The following VRK2 variants were observed in gnomAD, a reference collection of about 807,000 sequenced individuals.
VRK2 encodes the protein serine/threonine-protein kinase VRK2.
Under a neutral mutation model 57.6 loss-of-function variants are expected in VRK2, and 60 were observed. The observed-to-expected ratio is 1.04, with a 90% CI of 0.85 to 1.29. The LOEUF (loss-of-function observed/expected upper bound fraction) is 1.29, where lower values mean the gene tolerates loss of function less well. Ranked by LOEUF, VRK2 falls within the 50% of genes most tolerant of loss-of-function variation. The pLI, the probability that VRK2 is intolerant of heterozygous loss-of-function variation, is 0.00. For synonymous variants in VRK2, 231 were observed against 199.2 expected (o/e 1.16, Z -1.35); for missense variants, 705 against 588.1 (o/e 1.20, Z -2.06).
chr2:58,093,565 T>C (rs991835340), intron 7 of VRK2, among the ~76,000 whole-genome samples: 1 of 152,300 alleles, frequency 6.6e-6, no homozygotes, highest in South Asian at 2.1e-4. Context: ...TGGATATTAG[T>C]CCTTTGTCAG....
At chr2:58,066,268 C>T (rs1029095089) in intron 2 of VRK2, among the ~76,000 whole-genome samples, 1 of 152,096 alleles carries the variant, frequency 6.6e-6, no homozygotes, top group East Asian at 1.9e-4. Context: ...TCAAGTTAAG[C>T]ATACTGAGTT....
intron 12 of VRK2, among the ~76,000 whole-genome samples, chr2:58,152,898 T>C (rs1683271546): frequency 6.6e-6 from 1 of 151,956 alleles, no homozygotes; most frequent in South Asian, 2.1e-4. Flanking sequence ...ATTCATATAC[T>C]ACCATAAAAT....
chr2:57,980,236 T>C (rs779435610), intron 1 of VRK2, among the ~76,000 whole-genome samples: 6 of 152,156 alleles, frequency 3.9e-5, no homozygotes, highest in Non-Finnish European at 7.4e-5. Context: ...ATATTTATCT[T>C]TGTTTTCATG....
intron 2 of VRK2, among the ~76,000 whole-genome samples, chr2:58,074,449 A>T (rs116365712): frequency 6.6e-6 from 1 of 151,922 alleles, no homozygotes; most frequent in Non-Finnish European, 1.5e-5. Context: ...TGGAGTATCA[A>T]TTCTTCTTTA....
At chr2:58,149,093 A>G (rs1304018467) in intron 12 of VRK2, among the ~76,000 whole-genome samples, 1 of 151,754 alleles carries the variant, frequency 6.6e-6, no homozygotes, top group Non-Finnish European at 1.5e-5. Flanking sequence ...GAGAACTGGC[A>G]TCCCAACAAT....
At chr2:58,009,292 A>C (rs1007846192) in intron 1 of VRK2, among the ~76,000 whole-genome samples, 1 of 151,988 alleles carries the variant, frequency 6.6e-6, no homozygotes, top group Non-Finnish European at 1.5e-5. Context: ...AGGTATATAC[A>C]TACATTGCTA....
intron 1 of VRK2, among the ~76,000 whole-genome samples, chr2:57,996,498 T>A (rs1032400978): frequency 6.6e-5 from 10 of 152,206 alleles, no homozygotes; most frequent in African/African-American, 2.4e-4. Context: ...ACTATAGGTA[T>A]TGGTCATATC....
At chr2:58,017,140 G>GT (rs1673609787) in intron 1 of VRK2, among the ~76,000 whole-genome samples, 1 of 152,124 alleles carries the variant, frequency 6.6e-6, no homozygotes, top group African/African-American at 2.4e-5. Flanking sequence ...CTCCACTTTG[G>GT]TAAGAGGTGT....
intron 1 of VRK2, among the ~76,000 whole-genome samples, chr2:57,985,869 G>GA (rs1221874643): frequency 1.3e-5 from 2 of 151,868 alleles, no homozygotes; most frequent in African/African-American, 2.4e-5. Flanking sequence ...AAGTCAATAT[G>GA]AAAAAAACCG....
chr2:57,945,665 T>C (rs1671240861), intron 1 of VRK2, among the ~76,000 whole-genome samples: 1 of 152,224 alleles, frequency 6.6e-6, no homozygotes, highest in Non-Finnish European at 1.5e-5. Flanking sequence ...CATTTCTACC[T>C]ATACTTCATT....
chr2:58,047,082 C>G, intron 1 of VRK2: 8 of 674,090 alleles, frequency 1.2e-5, no homozygotes, highest in Non-Finnish European at 1.5e-5. Context: ...AAGGCGTCCC[C>G]TTCTACTCAC....
rs187601996 is a variant in VRK2, at chr2:57,979,021, T to C, written c.-438-46644T>C. Reference sequence around the variant, plus strand: ...TTTTTCTTTTCATAGCTGCATAGTTTTCCATGTGGTATATGTACCATGTTT... The same window carrying C: ...TTTTTCTTTTCATAGCTGCATAGTTCTCCATGTGGTATATGTACCATGTTT... On this transcript the variant is annotated intron_variant, in intron 1 of 15. Transcript: ENST00000417641. Among the ~76,000 whole-genome samples the C allele has an allele frequency of 2.4e-4, 36 of 151,376 alleles. 2 individuals carry two copies. The highest frequency in any genetic ancestry group is 8.9e-4 in the African/African-American group (36 of 40,662).
At chr2:58,063,604 T>C (rs2103917649) in intron 2 of VRK2, among the ~76,000 whole-genome samples, 1 of 152,214 alleles carries the variant, frequency 6.6e-6, no homozygotes, top group Middle Eastern at 3.4e-3. Flanking sequence ...TTGTTGACAA[T>C]GCACTTTAGT....
chr2:58,103,241 A>G (rs1359099673), intron 7 of VRK2, among the ~76,000 whole-genome samples: 2 of 151,454 alleles, frequency 1.3e-5, no homozygotes, highest in South Asian at 4.1e-4. Flanking sequence ...GAGCAGGACT[A>G]AGTGAAATTG....
chr2:58,084,750 A>G (rs1193494589), intron 3 of VRK2, 131 bp from the exon 4 acceptor site: 15 of 550,244 alleles, frequency 2.7e-5, no homozygotes, highest in Non-Finnish European at 4.0e-5. Context: ...TCTGGTGCCT[A>G]TGTTTTATAA....
At chr2:58,147,627 A>G (rs901546876) in intron 12 of VRK2, among the ~76,000 whole-genome samples, 1 of 151,786 alleles carries the variant, frequency 6.6e-6, no homozygotes, top group African/African-American at 2.4e-5. Flanking sequence ...ACGTATATAT[A>G]GATTTTATCA....
At chr2:58,008,346 A>C (rs2103641022) in intron 1 of VRK2, among the ~76,000 whole-genome samples, 1 of 152,218 alleles carries the variant, frequency 6.6e-6, no homozygotes, top group South Asian at 2.1e-4. Context: ...AAAAAACAGG[A>C]AGATGAAAAG....
chr2:58,146,476 TGA>T lies in VRK2; in HGVS notation c.1182+6_1182+7del, dbSNP rs1682153729. On this transcript the variant is annotated splice_donor_region_variant and intron_variant, in intron 12 of 12. Transcript: ENST00000340157. ...TTGATGAACAATGAAGCAGCTCAGG[TGA>T]GAGGGTTGTTTGTGTGTGTTTTTTC... 1 of 1,605,738 alleles carries T rather than the reference TGA, an allele frequency of 6.2e-7. No individual in the cohort carries two copies. The highest frequency in any genetic ancestry group is 1.7e-5 in the Admixed American group (1 of 59,020).
At chr2:58,125,813 T>C (rs1332904364) in intron 8 of VRK2, among the ~76,000 whole-genome samples, 1 of 152,194 alleles carries the variant, frequency 6.6e-6, no homozygotes, top group African/African-American at 2.4e-5. Flanking sequence ...TTTGCTGACA[T>C]TTTAATGTGA....
Sources: gnomAD v4.1 joint callset for allele counts (sites outside exome capture counted in the v4.1 genomes callset) on GRCh38, gnomAD v4.1.1 for gene constraint, MANE v1.5 for transcripts, NCBI Gene and HGNC (gene_info 2026-07-23, HGNC 2026-07-21) for gene names.